Variants in RBM10 observed in about 807,000 individuals in gnomAD.
The protein encoded by RBM10 is RNA-binding protein 10.
RBM10 carries 1 observed loss-of-function variant against 84.9 expected under a neutral mutation model. The ratio of observed to expected loss-of-function variants is 0.01; its 90% CI spans 0.00 to 0.06. The LOEUF (loss-of-function observed/expected upper bound fraction) is 0.06, where lower values mean the gene tolerates loss of function less well. Among genes scored for constraint, RBM10 ranks in the 10% least tolerant of loss-of-function variants. RBM10 has a pLI of 1.00. For synonymous variants in RBM10, 326 were observed against 344.5 expected, an observed-to-expected ratio of 0.95 and a Z score of 0.60; for missense variants, 438 against 839.0, an observed-to-expected ratio of 0.52 and a Z score of 5.90.
intron 6 of RBM10, among the ~76,000 whole-genome samples, chrX:47,175,325 G>T (rs1935055281): frequency 9.2e-6 from 1 of 108,535 alleles, no homozygotes; most frequent in South Asian, 4.1e-4. Context: ...CTACCACCAG[G>T]CACTAGTGCT....
At chrX:47,155,132 G>A (rs1278211174) in intron 2 of RBM10, among the ~76,000 whole-genome samples, 1 of 94,293 alleles carries the variant, frequency 1.1e-5, no homozygotes, top group Non-Finnish European at 2.1e-5. Context: ...GGAGGACAGT[G>A]CGAGACTCCC....
At chrX:47,150,867 C>T (rs901106361) in intron 2 of RBM10, among the ~76,000 whole-genome samples, 10 of 111,617 alleles carry the variant, frequency 9.0e-5, no homozygotes, top group Non-Finnish European at 1.5e-4. Context: ...GAATTTTGAT[C>T]GATGTTACAC....
At chrX:47,149,217 G>A (rs1260553451) in intron 2 of RBM10, among the ~76,000 whole-genome samples, 4 of 111,388 alleles carry the variant, frequency 3.6e-5, no homozygotes, top group East Asian at 2.8e-4. Flanking sequence ...GAGACAGGGT[G>A]TCTCTATGTT....
In RBM10 at chrX:47,176,714, GTCTCTCTCTCTC is replaced by G. The variant is rs59489451; in HGVS notation, c.663+147_663+158del. 31 of 947,426 alleles carry G rather than the reference GTCTCTCTCTCTC, an allele frequency of 3.3e-5. No homozygotes were observed. In the South Asian group the frequency reaches 3.7e-4, roughly 11 times the overall value. The allele number at this position is 947,426 out of a possible 1,213,427, so 78.1% of individuals were successfully genotyped here. A position where few individuals can be genotyped will look rare whatever the true frequency, so the allele number is the denominator to read the frequency against. On this transcript the variant is annotated intron_variant, in intron 7 of 23. Transcript: ENST00000377604. The stretch of plus-strand genomic sequence containing the variant: ...CTCCCCCAATCTCTCCTCTCCCTCT[GTCTCTCTCTCTC>G]TCTCTCTCTCTCTCTCTCATTCTCT...
Position 47,157,031 on chromosome X carries a change from G to A in RBM10, c.17+9533G>A, listed in dbSNP as rs184024860. Reference sequence around the variant, plus strand: ...CGGCATGCTGCCCCATCTGGTTGTTGATGATGATGTCGGTGCCGAACAGCA... The same window carrying A: ...CGGCATGCTGCCCCATCTGGTTGTTAATGATGATGTCGGTGCCGAACAGCA... On this transcript the variant is annotated intron_variant, in intron 2 of 23. Transcript: ENST00000377604. 2.3e-3 allele frequency: 675 copies of A among 296,603 alleles called. 3 individuals carry two copies. The highest frequency in any genetic ancestry group is 0.017 in the African/African-American group (644 of 36,960). The allele number at this position is 296,603 out of a possible 1,213,427, so 24.4% of individuals were successfully genotyped here.
chrX:47,181,472 C>G (rs2147187317), intron 13 of RBM10, 35 bp from the exon 14 acceptor site: 4 of 1,211,176 alleles, frequency 3.3e-6, no homozygotes, highest in Non-Finnish European at 4.5e-6. Context: ...CCCCATTATT[C>G]ACAGGCATTG....
chrX:47,173,256 C>T, intron 5 of RBM10, 59 bp downstream of exon 5: 2 of 1,189,918 alleles, frequency 1.7e-6, no homozygotes, highest in Non-Finnish European at 1.1e-6. Context: ...TCCGAATCTC[C>T]CTCCTGCCTC....
rs2147128409 is a variant in RBM10 at position 47,169,390 on chromosome X, C to G, written c.93C>G (p.Ser31Arg). ...AGGATGATGGTGGGGAGAACCGCAG[C>G]CGAGACCACGACTACCGGGACATGG... The part of the protein sequence containing the change: ...RSQDDGGENR[S>R]RDHDYRDMDY... The change falls in exon 3 of 24, where the codon AGC becomes AGG. Residue 31 changes from serine (S) to arginine (R), a missense_variant. Around this residue, in one of 8 missense-constraint regions of RBM10, gnomAD observed 92 missense variants for 134.3 expected, o/e 0.69. Coordinates refer to ENST00000377604, the MANE Select transcript of RBM10 (RefSeq NM_005676.5). 8.3e-7 allele frequency: 1 copy of G among 1,211,840 alleles called. No individual in the cohort carries two copies. Among genetic ancestry groups the G allele is most frequent in the Non-Finnish European group, 1.1e-6 (1 of 895,368 alleles).
Position 47,173,928 on chromosome X carries a change from TC to T in RBM10, c.502+732del, listed in dbSNP as rs1934892538. On this transcript the variant is annotated intron_variant, in intron 5 of 23. Coordinates refer to ENST00000377604, the MANE Select transcript of RBM10 (RefSeq NM_005676.5). ...CTCTCTCTCTCTCTCTCTCTCTCTCTCTCTCTTTCTCCCTCTCTCTCTTTCT... is the reference window on the plus strand; with the variant it reads ...CTCTCTCTCTCTCTCTCTCTCTCTCTTCTCTTTCTCCCTCTCTCTCTTTCT... Among the ~76,000 whole-genome samples, 13 of 99,299 alleles carry T rather than the reference TC, an allele frequency of 1.3e-4. No individual in the cohort carries two copies. In the South Asian group the frequency reaches 2.0e-3, roughly 15 times the overall value. 86.2% of individuals were successfully genotyped at this position (99,299 alleles called of 115,157 possible). A position where few individuals can be genotyped will look rare whatever the true frequency, so the allele number is the denominator to read the frequency against.
chrX:47,180,750 G>A (rs1556778781), intron 12 of RBM10, among the ~76,000 whole-genome samples: 2 of 111,749 alleles, frequency 1.8e-5, no homozygotes, highest in Non-Finnish European at 3.8e-5. Context: ...CATTGTGCCT[G>A]GCATTCTGTG....
intron 2 of RBM10, among the ~76,000 whole-genome samples, chrX:47,150,262 G>A (rs1332810399): frequency 1.8e-5 from 2 of 109,070 alleles, no homozygotes; most frequent in Non-Finnish European, 3.8e-5. Flanking sequence ...TTCGCCTCCC[G>A]GGTTCACACC....
At chrX:47,155,156 A>C (rs1357626928) in intron 2 of RBM10, among the ~76,000 whole-genome samples, 2 of 107,708 alleles carry the variant, frequency 1.9e-5, no homozygotes, top group African/African-American at 6.8e-5. Flanking sequence ...CAAAAAAAAA[A>C]AAAAAAAAAA....
chrX:47,163,858 A>ATT (rs1933931343), intron 2 of RBM10, among the ~76,000 whole-genome samples: 1 of 55,853 alleles, frequency 1.8e-5, no homozygotes, highest in Non-Finnish European at 3.3e-5. Context: ...ACGCCTGGCT[A>ATT]ATTTTTTTTT....
Position 47,171,077 on chromosome X carries a change from G to A in RBM10, c.251G>A (p.Arg84Gln), listed in dbSNP as rs782227221. Residue 84 changes from arginine to glutamine, a missense_variant, in exon 4 of 24, where the codon CGG (arginine) becomes CAG (glutamine). This residue lies in a region of RBM10 where 92 missense variants were observed against 134.3 expected (regional missense o/e 0.69). Coordinates refer to ENST00000377604, the MANE Select transcript of RBM10 (RefSeq NM_005676.5). ...PGSETQRRRR[R>Q]RHRHSPTGPP... ...TCCGAGACTCAGCGTAGGCGGCGGC[G>A]GCGGCACAGGCACAGCCCCACCGGC... 38 of 1,208,739 alleles carry A rather than the reference G, an allele frequency of 3.1e-5. No individual in the cohort carries two copies. The highest frequency in any genetic ancestry group is 5.3e-5 in the South Asian group (3 of 56,637).
chrX:47,160,475 A>G (rs190906035), intron 2 of RBM10, among the ~76,000 whole-genome samples: 373 of 112,005 alleles, frequency 3.3e-3, no homozygotes, highest in Non-Finnish European at 5.4e-3. Flanking sequence ...ATAACATACA[A>G]GTGGCCAACA....
chrX:47,148,905 T>C (rs1176596563), intron 2 of RBM10, among the ~76,000 whole-genome samples: 1 of 86,332 alleles, frequency 1.2e-5, no homozygotes, highest in Non-Finnish European at 2.3e-5. Context: ...AATGTATCCT[T>C]CTATGATACA....
chrX:47,156,271 C>T (rs1933137476), intron 2 of RBM10, among the ~76,000 whole-genome samples: 1 of 111,584 alleles, frequency 9.0e-6, no homozygotes, highest in Non-Finnish European at 1.9e-5. Context: ...TGAGGAAGGC[C>T]TTCCCCACTC....
At chrX:47,157,779 AC>A in intron 2 of RBM10, 1 of 343,148 alleles carries the variant, frequency 2.9e-6, no homozygotes. Context: ...CAGCTGCATG[AC>A]TTTTTTTTTT....
intron 2 of RBM10, among the ~76,000 whole-genome samples, 158 bp from the exon 3 acceptor site, chrX:47,169,157 A>G (rs1934452815): frequency 8.9e-6 from 1 of 111,854 alleles, no homozygotes; most frequent in South Asian, 3.7e-4. Flanking sequence ...TGGTGGTATC[A>G]TGTACTTCTT....
Sources: allele counts gnomAD v4.1 joint callset (sites outside exome capture counted in the v4.1 genomes callset), GRCh38; gene constraint gnomAD v4.1.1; regional missense constraint gnomAD v4.1.1; transcripts MANE v1.5; gene names NCBI Gene and HGNC (gene_info 2026-07-23, HGNC 2026-07-21).